Variants in C19orf67 observed in about 807,000 individuals in gnomAD.
C19orf67 encodes the protein chromosome 19 open reading frame 67, also known as UPF0575 protein C19orf67.
Under a neutral mutation model 41.4 loss-of-function variants are expected in C19orf67, and 28 were observed. That is an observed-to-expected ratio of 0.68 (90% CI 0.50 to 0.93). The LOEUF is 0.93. Among genes scored for constraint, C19orf67 ranks in the 40% least tolerant of loss-of-function variants. The probability of loss-of-function intolerance (pLI) is 0.00; values close to 1 mark genes in which losing one functional copy is unlikely to be tolerated. For synonymous variants in C19orf67, 242 were observed against 203.4 expected, an observed-to-expected ratio of 1.19 and a Z score of -1.62; for missense variants, 421 against 467.0, an observed-to-expected ratio of 0.90 and a Z score of 0.91.
intron 2 of C19orf67, 27 bp from the exon 3 acceptor site, chr19:14,083,632 G>T: frequency 6.5e-7 from 1 of 1,533,834 alleles, no homozygotes; most frequent in South Asian, 1.2e-5. Context: ...GGTACAGTGA[G>T]ATCAGCTGGC....
In C19orf67 at chr19:14,082,010, TG is replaced by T; in HGVS notation, c.903-3del. ...CCAAGCGGCTGCGGGCACAAAATCC[TG>T]GGGTGGGGGGGCCAGGGATAGACAG... On this transcript the variant is annotated splice_polypyrimidine_tract_variant and splice_region_variant and intron_variant, in intron 5 of 5. Coordinates refer to ENST00000548523, the MANE Select transcript of C19orf67 (RefSeq NM_001277378.2). 1 of 1,138,744 alleles carries T rather than the reference TG, an allele frequency of 8.8e-7. No individual in the cohort carries two copies. Among genetic ancestry groups the T allele is most frequent in the South Asian group, 1.4e-5 (1 of 73,416 alleles). The allele number at this position is 1,138,744 out of a possible 1,614,324, so 70.5% of individuals were successfully genotyped here.
Position 14,083,261 on chromosome 19 carries a change from C to T in C19orf67, c.743G>A (p.Arg248Gln), listed in dbSNP as rs778097137. 9 of 1,535,888 alleles carry T rather than the reference C, an allele frequency of 5.9e-6. No homozygotes were observed. Among genetic ancestry groups the T allele is most frequent in the Middle Eastern group, 1.7e-4 (1 of 6,012 alleles). ...HLEATPEAPG[R>Q]GQDSLVDYYF... ...CTAATCCACAAGGGAATCTTGTCCC[C>T]GACCAGGGGCCTCTGGGGTGGCTTC... Residue 248 changes from arginine to glutamine, a missense_variant, in exon 4 of 6, where the codon CGG becomes CAG. Physicochemically the swap from Arg to Gln is conservative, Grantham distance 43. This residue lies in a region of C19orf67 where 253 missense variants were observed against 307.0 expected (regional missense o/e 0.82). Transcript: ENST00000548523.
rs576118519 is a variant in C19orf67 at position 14,083,439 on chromosome 19, G to A, written c.582-17C>T. ...CAGGAGATGCTGGCGAGACATGAGA[G>A]AATGGAGGGGTGAGGCTGGGCCTTG... On this transcript the variant is annotated splice_polypyrimidine_tract_variant and intron_variant, in intron 3 of 5. Coordinates refer to ENST00000548523, the MANE Select transcript of C19orf67 (RefSeq NM_001277378.2). The A allele has an allele frequency of 6.5e-7, 1 of 1,530,848 alleles. No homozygotes were observed. Among genetic ancestry groups the A allele is most frequent in the East Asian group, 2.5e-5 (1 of 40,770 alleles). 94.8% of individuals were successfully genotyped at this position (1,530,848 alleles called of 1,614,324 possible).
chr19:14,085,528 G>A lies in C19orf67; in HGVS notation c.100C>T (p.Pro34Ser). Reference protein sequence around the residue: ...LEPGTPPCGDPSRSTPPGRPG... With the variant: ...LEPGTPPCGDSSRSTPPGRPG... ...CTGCCAGGGGGCGTCGACCTGGAGG[G>A]GTCTCCGCAGGGCGGCGTCCCAGGT... The change falls in exon 1 of 6, where the codon CCC (proline) becomes TCC (serine). Residue 34 changes from proline (P) to serine (S), a missense_variant. Physicochemically the swap from Pro to Ser is moderately conservative, Grantham distance 74 (BLOSUM62 -1). Coordinates refer to ENST00000548523, the MANE Select transcript of C19orf67 (RefSeq NM_001277378.2). 4 of 1,535,386 alleles carry A rather than the reference G, an allele frequency of 2.6e-6. No homozygotes were observed. The highest frequency in any genetic ancestry group is 3.5e-6 in the Non-Finnish European group (4 of 1,146,690).
rs1384800573 is a variant in C19orf67, at chr19:14,083,239, A to T, written c.765T>A (p.Asp255Glu). The change falls in exon 4 of 6, where the codon GAT becomes GAA. Residue 255 changes from aspartate to glutamate, a missense_variant and splice_region_variant. By Grantham distance (45) the Asp-to-Glu change is conservative (BLOSUM62 2). Around this residue, in one of 3 missense-constraint regions of C19orf67, gnomAD observed 253 missense variants for 307.0 expected, o/e 0.82. Coordinates refer to ENST00000548523, the MANE Select transcript of C19orf67 (RefSeq NM_001277378.2). The stretch of plus-strand genomic sequence containing the variant: ...TTGATTTGGGTAAGAGGACTTACTA[A>T]TCCACAAGGGAATCTTGTCCCCGAC... The part of the protein sequence containing the change: ...APGRGQDSLV[D>E]YYFLCYRDTW... 6.5e-7 allele frequency: 1 copy of T among 1,535,906 alleles called. No individual in the cohort carries two copies. The highest frequency in any genetic ancestry group is 1.4e-5 in the African/African-American group (1 of 73,116).
chr19:14,081,987 A>G lies in C19orf67; in HGVS notation c.924T>C (p.Leu308=). 1 of 1,517,938 alleles carries G rather than the reference A, an allele frequency of 6.6e-7. No homozygotes were observed. 94.0% of individuals were successfully genotyped at this position (1,517,938 alleles called of 1,614,324 possible). ...TGGTCAGCAGCTGCTGGTAGTCCCC[A>G]AGCGGCTGCGGGCACAAAATCCTGG... ...LYSWILCPQP[L]GDYQQLLTIG... Residue 308 remains leucine, a synonymous_variant, in exon 6 of 6, where the codon CTT becomes CTC. Coordinates refer to ENST00000548523, the MANE Select transcript of C19orf67 (RefSeq NM_001277378.2).
Position 14,085,521 on chromosome 19 carries a change from C to T in C19orf67, c.107G>A (p.Arg36Lys), listed in dbSNP as rs1242805510. Reference protein sequence around the residue: ...PGTPPCGDPSRSTPPGRPGNP... With the variant: ...PGTPPCGDPSKSTPPGRPGNP... Reference sequence around the variant, plus strand: ...CCCAGGCCTGCCAGGGGGCGTCGACCTGGAGGGGTCTCCGCAGGGCGGCGT... The same window carrying T: ...CCCAGGCCTGCCAGGGGGCGTCGACTTGGAGGGGTCTCCGCAGGGCGGCGT... Residue 36 changes from arginine to lysine, a missense_variant, in exon 1 of 6, where the codon AGG becomes AAG. By Grantham distance (26) the Arg-to-Lys change is conservative. Around this residue, in one of 3 missense-constraint regions of C19orf67, gnomAD observed 160 missense variants for 139.2 expected, o/e 1.15. Transcript: ENST00000548523. 3.9e-6 allele frequency: 6 copies of T among 1,535,446 alleles called. No homozygotes were observed. The highest frequency in any genetic ancestry group is 5.2e-6 in the Non-Finnish European group (6 of 1,146,710).
intron 5 of C19orf67, 36 bp from the exon 6 acceptor site, chr19:14,082,044 C>T: frequency 1.4e-6 from 2 of 1,438,552 alleles, no homozygotes; most frequent in Non-Finnish European, 1.8e-6. Flanking sequence ...CAGGCCTGGA[C>T]TTGAGTGCCC....
chr19:14,081,641 A>ATT lies in C19orf67; in HGVS notation c.*191_*192dup. The ATT allele has an allele frequency of 2.3e-6, 1 of 440,248 alleles. No homozygotes were observed. The highest frequency in any genetic ancestry group is 2.0e-5 in the African/African-American group (1 of 48,964). The allele number at this position is 440,248 out of a possible 1,614,324, so 27.3% of individuals were successfully genotyped here. On this transcript the variant is annotated 3_prime_UTR_variant, in exon 6 of 6. Transcript: ENST00000548523. ...AGCCTGTGACCTCTTTCTTTCTTTT[A>ATT]TTTAACACAAAACTGACGTGTCCGC...
chr19:14,084,562 G>A (rs1976824119), intron 1 of C19orf67, among the ~76,000 whole-genome samples: 2 of 151,870 alleles, frequency 1.3e-5, no homozygotes, highest in African/African-American at 2.4e-5. Flanking sequence ...GGTAGGCGCG[G>A]TGGCTCACGT....
rs1362070586 is a variant in C19orf67 at position 14,081,791 on chromosome 19, GTTTGGAACTGTCAAGTTCCAGCTCCTAC to G, written c.*15_*42del. ...CCCCTCCCCTGCCCCCTATTCTGGA[GTTTGGAACTGTCAAGTTCCAGCTCCTAC>G]CCTCTTCCCCAGGTTCAAGACCCCT... On this transcript the variant is annotated 3_prime_UTR_variant, in exon 6 of 6. Coordinates refer to ENST00000548523, the MANE Select transcript of C19orf67 (RefSeq NM_001277378.2). 3.0e-5 allele frequency: 43 copies of G among 1,438,804 alleles called. No individual in the cohort carries two copies. The East Asian group carries it at 1.1e-3, about 38-fold the overall frequency. The allele number at this position is 1,438,804 out of a possible 1,614,324, so 89.1% of individuals were successfully genotyped here. A position where few individuals can be genotyped will look rare whatever the true frequency, so the allele number is the denominator to read the frequency against.
Position 14,083,428 on chromosome 19 carries a change from G to A in C19orf67, c.582-6C>T, listed in dbSNP as rs1199272094. On this transcript the variant is annotated splice_polypyrimidine_tract_variant and splice_region_variant and intron_variant, in intron 3 of 5. Coordinates refer to ENST00000548523, the MANE Select transcript of C19orf67 (RefSeq NM_001277378.2). ...CGCAAAAGAAACAGGAGATGCTGGCGAGACATGAGAGAATGGAGGGGTGAG... is the reference window on the plus strand; with the variant it reads ...CGCAAAAGAAACAGGAGATGCTGGCAAGACATGAGAGAATGGAGGGGTGAG... 2.6e-6 allele frequency: 4 copies of A among 1,530,302 alleles called. No individual in the cohort carries two copies. The highest frequency in any genetic ancestry group is 2.5e-5 in the East Asian group (1 of 40,760). The allele number at this position is 1,530,302 out of a possible 1,614,324, so 94.8% of individuals were successfully genotyped here.
At chr19:14,082,412 G>A in intron 5 of C19orf67, 57 bp downstream of exon 5, 1 of 1,475,668 alleles carries the variant, frequency 6.8e-7, no homozygotes, top group Non-Finnish European at 9.0e-7. Flanking sequence ...GTCTTTGGTG[G>A]GGTTCTGCCT....
chr19:14,085,545 G>A lies in C19orf67; in HGVS notation c.83C>T (p.Thr28Met). ...TPPPDALEPG[T>M]PPCGDPSRST... ...CCTGGAGGGGTCTCCGCAGGGCGGCGTCCCAGGTTCCAAGGCGTCTGGAGG... is the reference window on the plus strand; with the variant it reads ...CCTGGAGGGGTCTCCGCAGGGCGGCATCCCAGGTTCCAAGGCGTCTGGAGG... The change falls in exon 1 of 6, where the codon ACG becomes ATG. Residue 28 changes from threonine to methionine, a missense_variant. By Grantham distance (81) the Thr-to-Met change is moderately conservative. Around this residue, in one of 3 missense-constraint regions of C19orf67, gnomAD observed 160 missense variants for 139.2 expected, o/e 1.15. Transcript: ENST00000548523. The A allele has an allele frequency of 6.5e-7, 1 of 1,535,320 alleles. No individual in the cohort carries two copies. The highest frequency in any genetic ancestry group is 8.7e-7 in the Non-Finnish European group (1 of 1,146,626).
chr19:14,084,496 GACT>G (rs1249275398), intron 1 of C19orf67, among the ~76,000 whole-genome samples: 1 of 151,144 alleles, frequency 6.6e-6, no homozygotes, highest in African/African-American at 2.4e-5. Flanking sequence ...GACAGAGCAA[GACT>G]CCATTTCAAA....
rs1599322948 is a variant in C19orf67, at chr19:14,085,435, T to G, written c.193A>C (p.Thr65Pro). ...GGGACCAGAGGTTTGGGGGAAGACG[T>G]GGAGGCCCGGGCCTCAGCCAGCCGC... Reference protein sequence around the residue: ...EGRLAEARASTSSPKPLVPRP... With the variant: ...EGRLAEARASPSSPKPLVPRP... Residue 65 changes from threonine (T) to proline (P), a missense_variant, in exon 1 of 6, where the codon ACG becomes CCG. Physicochemically the swap from Thr to Pro is conservative, Grantham distance 38. Transcript: ENST00000548523. The G allele has an allele frequency of 1.3e-6, 2 of 1,535,788 alleles. No individual in the cohort carries two copies. Among genetic ancestry groups the G allele is most frequent in the Non-Finnish European group, 1.7e-6 (2 of 1,146,804 alleles).
Position 14,082,586 on chromosome 19 carries a change from C to A in C19orf67, c.785G>T (p.Arg262Leu). ...CTGGCCTGTGTCTTCCCAAGTATCTCGATAGCACAGAAAGTAGCTAGGAGG... is the reference window on the plus strand; with the variant it reads ...CTGGCCTGTGTCTTCCCAAGTATCTAGATAGCACAGAAAGTAGCTAGGAGG... ...SLVDYYFLCY[R>L]DTWEDTGQSP... The change falls in exon 5 of 6, where the codon CGA becomes CTA. Residue 262 changes from arginine (R) to leucine (L), a missense_variant. By Grantham distance (102) the Arg-to-Leu change is moderately radical. Coordinates refer to ENST00000548523, the MANE Select transcript of C19orf67 (RefSeq NM_001277378.2). 6.5e-7 allele frequency: 1 copy of A among 1,536,178 alleles called. No individual in the cohort carries two copies. The highest frequency in any genetic ancestry group is 8.7e-7 in the Non-Finnish European group (1 of 1,146,824).
In C19orf67 at chr19:14,085,746, G is replaced by A; in HGVS notation, c.-119C>T. The A allele has an allele frequency of 1.4e-6, 1 of 716,316 alleles. No individual in the cohort carries two copies. Among genetic ancestry groups the A allele is most frequent in the East Asian group, 2.7e-5 (1 of 36,726 alleles). 44.4% of individuals were successfully genotyped at this position (716,316 alleles called of 1,614,324 possible). ...GGCCCCTGCCTTGACCTCTCCACCG[G>A]AGCCGCGCCGCCGCGCCGGGGGCCG... On this transcript the variant is annotated 5_prime_UTR_variant, in exon 1 of 6. Coordinates refer to ENST00000548523, the MANE Select transcript of C19orf67 (RefSeq NM_001277378.2).
rs937748453 is a variant in C19orf67, at chr19:14,081,951, C to T, written c.960G>A (p.Glu320=). 6 of 1,532,150 alleles carry T rather than the reference C, an allele frequency of 3.9e-6. No individual in the cohort carries two copies. Among genetic ancestry groups the T allele is most frequent in the Non-Finnish European group, 5.2e-6 (6 of 1,144,516 alleles). 94.9% of individuals were successfully genotyped at this position (1,532,150 alleles called of 1,614,324 possible). A position where few individuals can be genotyped will look rare whatever the true frequency, so the allele number is the denominator to read the frequency against. Residue 320 remains glutamate, a synonymous_variant, in exon 6 of 6, where the codon GAG becomes GAA. Transcript: ENST00000548523. ...CGGTGGCCAGCGTGGGCGTGGGCTCCTCGAAGCCGATGGTCAGCAGCTGCT... is the reference window on the plus strand; with the variant it reads ...CGGTGGCCAGCGTGGGCGTGGGCTCTTCGAAGCCGATGGTCAGCAGCTGCT... ...DYQQLLTIGF[E]EPTPTLATDL... is the part of the protein sequence containing the mutation.
Sources: gnomAD v4.1 joint callset for allele counts (sites outside exome capture counted in the v4.1 genomes callset) on GRCh38, gnomAD v4.1.1 for gene constraint, gnomAD v4.1.1 regional missense constraint, MANE v1.5 for transcripts, NCBI Gene and HGNC (gene_info 2026-07-23, HGNC 2026-07-21) for gene names.